The following ZC3H13 variants were observed in gnomAD, a reference collection of about 807,000 sequenced individuals.
The protein encoded by ZC3H13 is zinc finger CCCH-type containing 13, also known as zinc finger CCCH domain-containing protein 13.
Under a neutral mutation model 204.1 loss-of-function variants are expected in ZC3H13, and 64 were observed. That is an observed-to-expected ratio of 0.31 (90% CI 0.26 to 0.39). The LOEUF (loss-of-function observed/expected upper bound fraction) is 0.39. Ranked by LOEUF, ZC3H13 falls within the 10% of genes least tolerant of loss-of-function variation. ZC3H13 has a pLI of 1.00. For missense variants in ZC3H13, 1,833 were observed against 2,082.7 expected (o/e 0.88, Z 2.33); for synonymous variants, 667 against 693.7 (o/e 0.96, Z 0.60).
chr13:45,964,293 T>A (rs2137808798), intron 16 of ZC3H13, among the ~76,000 whole-genome samples: 1 of 152,300 alleles, frequency 6.6e-6, no homozygotes, highest in African/African-American at 2.4e-5. Context: ...TCATTTTAAC[T>A]CCATGGGAGA....
chr13:46,020,526 T>C lies in ZC3H13; in HGVS notation c.371A>G (p.Lys124Arg). 6.2e-7 allele frequency: 1 copy of C among 1,610,158 alleles called. No individual in the cohort carries two copies. The part of the protein sequence containing the change: ...KESSRGRHRE[K>R]EDIKITKERT... ...TTCCTTAGTGATTTTTATGTCTTCC[T>C]TTTCCCTATGTCTCCCTCTTGAAGA... The change falls in exon 5 of 19, where the codon AAG becomes AGG. Residue 124 changes from lysine to arginine, a missense_variant. By Grantham distance (26) the Lys-to-Arg change is conservative. Around this residue, in one of 5 missense-constraint regions of ZC3H13, gnomAD observed 1,574 missense variants for 1,757.2 expected, o/e 0.90. Coordinates refer to ENST00000679008, the MANE Select transcript of ZC3H13 (RefSeq NM_001330564.2).
chr13:46,043,849 T>A (rs560660099), intron 3 of ZC3H13, among the ~76,000 whole-genome samples: 1 of 151,980 alleles, frequency 6.6e-6, no homozygotes, highest in Non-Finnish European at 1.5e-5. Context: ...AGTCAGCTAA[T>A]AAATTTCAAA....
chr13:45,969,607 C>T lies in ZC3H13; in HGVS notation c.2937G>A (p.Arg979=). Residue 979 remains arginine (R), a synonymous_variant, in exon 14 of 19, where the codon AGG becomes AGA. Transcript: ENST00000679008. ...CTTCAGATGTTGTCTCTATGTTACC[C>T]CTCTCTATTCCAACATCATCCTCTT... The part of the protein sequence containing the change: ...KKKEDDVGIE[R]GNIETTSEDG... 6.2e-7 allele frequency: 1 copy of T among 1,610,666 alleles called. No homozygotes were observed. Among genetic ancestry groups the T allele is most frequent in the South Asian group, 1.1e-5 (1 of 89,942 alleles).
At chr13:46,020,637 T>C in intron 4 of ZC3H13, 80 bp from the exon 5 acceptor site, 1 of 896,786 alleles carries the variant, frequency 1.1e-6, no homozygotes, top group Admixed American at 3.1e-5. Context: ...GAGAACATTT[T>C]AATTTCATTC....
At position 45,975,661 on chromosome 13, in the gene ZC3H13, C is replaced by T. The variant is rs993827745; in HGVS notation, c.2090G>A (p.Arg697Gln). The T allele has an allele frequency of 3.7e-6, 6 of 1,607,248 alleles. No homozygotes were observed. The highest frequency in any genetic ancestry group is 2.2e-5 in the East Asian group (1 of 44,482). Residue 697 changes from arginine to glutamine, a missense_variant, in exon 12 of 19, where the codon CGG becomes CAG. Arg to Gln is a conservative substitution (Grantham distance 43, BLOSUM62 1). Around this residue, in one of 5 missense-constraint regions of ZC3H13, gnomAD observed 1,574 missense variants for 1,757.2 expected, o/e 0.90. Coordinates refer to ENST00000679008, the MANE Select transcript of ZC3H13 (RefSeq NM_001330564.2). ...TCTCTCTTTTTCTCTTTCCCGATCC[C>T]GTTCACGTTCCCTCTCTCTCTCCCG... ...RERERERERE[R>Q]DREREKEREL...
intron 9 of ZC3H13, among the ~76,000 whole-genome samples, chr13:45,987,275 C>T (rs549977968): frequency 5.9e-5 from 9 of 152,296 alleles, no homozygotes; most frequent in African/African-American, 1.4e-4. Flanking sequence ...GAACTTAAAA[C>T]GCCTATGATT....
chr13:45,975,671 C>T lies in ZC3H13; in HGVS notation c.2080G>A (p.Glu694Lys). ...ERDRERERERERERDREREKE... is the reference protein window; with the variant it reads ...ERDRERERERKRERDREREKE... ...TCTCTTTCCCGATCCCGTTCACGTT[C>T]CCTCTCTCTCTCCCGCTCCCTGTCT... The change falls in exon 12 of 19, where the codon GAA (glutamate) becomes AAA (lysine). Residue 694 changes from glutamate to lysine, a missense_variant. Glu to Lys is a moderately conservative substitution (Grantham distance 56, BLOSUM62 1). Coordinates refer to ENST00000679008, the MANE Select transcript of ZC3H13 (RefSeq NM_001330564.2). 1 of 1,611,126 alleles carries T rather than the reference C, an allele frequency of 6.2e-7. No individual in the cohort carries two copies. Among genetic ancestry groups the T allele is most frequent in the Non-Finnish European group, 8.5e-7 (1 of 1,178,498 alleles).
chr13:45,959,606 ATT>A lies in ZC3H13; in HGVS notation c.4714_4715del (p.Asn1572TyrfsTer15). 6.5e-7 allele frequency: 1 copy of A among 1,545,780 alleles called. No individual in the cohort carries two copies. Among genetic ancestry groups the A allele is most frequent in the Non-Finnish European group, 8.7e-7 (1 of 1,145,058 alleles). On this transcript the variant is annotated frameshift_variant, in exon 18 of 19. Coordinates refer to ENST00000679008, the MANE Select transcript of ZC3H13 (RefSeq NM_001330564.2). LOFTEE classifies it high-confidence loss of function. ...CTTCTTTTCGTAGTAATGCAGCCAT[ATT>A]GAGAGCCCCCAATTCATGTTCAAAG... The part of the protein sequence containing the change: ...NLFEHELGAL[N>X]MAALLRKEER...
chr13:46,003,101 A>G (rs1260413732), intron 8 of ZC3H13, 38 bp downstream of exon 8: 1 of 1,586,412 alleles, frequency 6.3e-7, no homozygotes, highest in Middle Eastern at 2.3e-4. Context: ...TATATTCTAC[A>G]AAAGTTAATA....
Position 45,969,387 on chromosome 13 carries a change from G to A in ZC3H13, c.3157C>T (p.Leu1053=). 1 of 1,614,084 alleles carries A rather than the reference G, an allele frequency of 6.2e-7. No homozygotes were observed. The highest frequency in any genetic ancestry group is 8.5e-7 in the Non-Finnish European group (1 of 1,179,994). ...VEMCNGKNGI[L]EDSQKKEDTA... is the part of the protein sequence containing the mutation. ...TCTTCTTTTTTCTGGGAGTCCTCTA[G>A]AATACCATTCTTACCATTGCACATT... The change falls in exon 14 of 19, where the codon CTA becomes TTA. Residue 1053 remains leucine (L), a synonymous_variant. Coordinates refer to ENST00000679008, the MANE Select transcript of ZC3H13 (RefSeq NM_001330564.2).
chr13:45,970,357 C>CAA lies in ZC3H13; in HGVS notation c.2572+4_2572+5insTT. 1.9e-6 allele frequency: 3 copies of CAA among 1,613,038 alleles called. 1 individual carries two copies. In the South Asian group the frequency reaches 3.3e-5, roughly 18 times the overall value. ...ATAGAGAGACAGAAAACAGAGTCTG[C>CAA]TTACTTTTATCATCTCCACTGTTGT... On this transcript the variant is annotated splice_donor_region_variant and intron_variant, in intron 13 of 18. Coordinates refer to ENST00000679008, the MANE Select transcript of ZC3H13 (RefSeq NM_001330564.2).
rs1005770479 is a variant in ZC3H13 at position 45,983,513 on chromosome 13, G to A, written c.1720+1784C>T. 2.2e-4 allele frequency among the ~76,000 whole-genome samples: 28 copies of A among 126,626 alleles called. No individual in the cohort carries two copies. The East Asian group carries it at 4.2e-3, about 19-fold the overall frequency. The allele number at this position is 126,626 out of a possible 152,430, so 83.1% of individuals were successfully genotyped here. A position where few individuals can be genotyped will look rare whatever the true frequency, so the allele number is the denominator to read the frequency against. On this transcript the variant is annotated intron_variant, in intron 10 of 18. Transcript: ENST00000679008. ...GCTATCCCGGCTCACTGCAAGCTCC[G>A]CCTCTTGGGTTCATGCCATTCTCCT... is the stretch of plus-strand genomic sequence containing the variant.
At chr13:46,012,234 T>TA (rs1199214926) in intron 5 of ZC3H13, among the ~76,000 whole-genome samples, 3 of 152,128 alleles carry the variant, frequency 2.0e-5, no homozygotes, top group African/African-American at 7.2e-5. Flanking sequence ...GAAGATTGGT[T>TA]AAAAAATCAA....
At chr13:45,971,116 A>T (rs986861354) in intron 12 of ZC3H13, among the ~76,000 whole-genome samples, 18 of 152,168 alleles carry the variant, frequency 1.2e-4, no homozygotes, top group Admixed American at 1.0e-3. Flanking sequence ...CCTTCATGGA[A>T]ATCACTTTCT....
chr13:46,013,610 A>G (rs1465393923), intron 5 of ZC3H13, among the ~76,000 whole-genome samples: 1 of 152,174 alleles, frequency 6.6e-6, no homozygotes, highest in East Asian at 1.9e-4. Flanking sequence ...GTATTTTGAC[A>G]ACAAAAGAAA....
chr13:45,961,526 G>A (rs528827957), intron 17 of ZC3H13, among the ~76,000 whole-genome samples: 48 of 143,990 alleles, frequency 3.3e-4, no homozygotes, highest in Non-Finnish European at 5.1e-4. Flanking sequence ...ATGGTTAGTA[G>A]AGGCTGGGAA....
rs943363155 is a variant in ZC3H13, at chr13:46,003,262, A to G, written c.821T>C (p.Ile274Thr). The G allele has an allele frequency of 2.5e-6, 4 of 1,612,862 alleles. No individual in the cohort carries two copies. Among genetic ancestry groups the G allele is most frequent in the South Asian group, 2.2e-5 (2 of 90,756 alleles). Residue 274 changes from isoleucine (I) to threonine (T), a missense_variant, in exon 8 of 19, where the codon ATC (isoleucine) becomes ACC (threonine). Around this residue, in one of 5 missense-constraint regions of ZC3H13, gnomAD observed 1,574 missense variants for 1,757.2 expected, o/e 0.90. Transcript: ENST00000679008. The stretch of plus-strand genomic sequence containing the variant: ...TTCTTTGTATTTTTTCCCCAGAGCG[A>G]TATCTTCTGGTATAGGAGGGGGTGG... Reference protein sequence around the residue: ...PSPPPPIPEDIALGKKYKEKY... With the variant: ...PSPPPPIPEDTALGKKYKEKY...
chr13:45,964,324 T>C (rs1026499830), intron 16 of ZC3H13, among the ~76,000 whole-genome samples: 1 of 152,184 alleles, frequency 6.6e-6, no homozygotes, highest in African/African-American at 2.4e-5. Context: ...AAGAACTCTA[T>C]TGATTTCACT....
At chr13:46,012,342 A>C (rs1029676917) in intron 5 of ZC3H13, among the ~76,000 whole-genome samples, 4 of 152,204 alleles carry the variant, frequency 2.6e-5, no homozygotes, top group African/African-American at 9.7e-5. Context: ...CCAGGAGCCT[A>C]GAGGTGGGAA....
Sources: gnomAD v4.1 joint callset for allele counts (sites outside exome capture counted in the v4.1 genomes callset) on GRCh38, gnomAD v4.1.1 for gene constraint, gnomAD v4.1.1 regional missense constraint, MANE v1.5 for transcripts, NCBI Gene and HGNC (gene_info 2026-07-23, HGNC 2026-07-21) for gene names.